The following TIMP3 variants were observed in gnomAD, a reference collection of about 807,000 sequenced individuals.
TIMP3 encodes the protein TIMP metallopeptidase inhibitor 3, also known as metalloproteinase inhibitor 3.
In TIMP3, 11 loss-of-function variants were observed where a neutral mutation model predicts 30.0. The observed-to-expected ratio is 0.37, with a 90% CI of 0.23 to 0.61. The LOEUF is 0.61. Ranked by LOEUF, TIMP3 falls within the 20% of genes least tolerant of loss-of-function variation. The probability of loss-of-function intolerance (pLI) is 0.70; values close to 1 mark genes in which losing one functional copy is unlikely to be tolerated. For missense variants in TIMP3, 181 were observed against 276.8 expected, an observed-to-expected ratio of 0.65 and a Z score of 2.45; for synonymous variants, 112 against 111.3, an observed-to-expected ratio of 1.01 and a Z score of -0.04.
intron 1 of TIMP3, among the ~76,000 whole-genome samples, chr22:32,808,101 T>G (rs542214252): frequency 6.6e-6 from 1 of 152,338 alleles, no homozygotes; most frequent in East Asian, 1.9e-4. Flanking sequence ...CTTGACTTGT[T>G]GCATGCTGGA....
At chr22:32,818,584 G>A (rs955776357) in intron 1 of TIMP3, among the ~76,000 whole-genome samples, 30 of 152,172 alleles carry the variant, frequency 2.0e-4, no homozygotes, top group African/African-American at 7.0e-4. Context: ...GAAGGATAGG[G>A]CTGGTGGACT....
chr22:32,857,177 G>A, intron 2 of TIMP3, 72 bp from the exon 3 acceptor site: 1 of 1,133,424 alleles, frequency 8.8e-7, no homozygotes, highest in Non-Finnish European at 1.3e-6. Flanking sequence ...TACATACCCA[G>A]CAGTGGGATT....
At chr22:32,848,095 G>GA (rs1849341435) in intron 1 of TIMP3, among the ~76,000 whole-genome samples, 1 of 152,196 alleles carries the variant, frequency 6.6e-6, no homozygotes, top group Admixed American at 6.5e-5. Context: ...ACAAATACCT[G>GA]AAGACAGCTC....
chr22:32,802,137 T>C lies in TIMP3; in HGVS notation c.121+15T>C. 1.3e-6 allele frequency: 2 copies of C among 1,575,200 alleles called. No individual in the cohort carries two copies. The highest frequency in any genetic ancestry group is 1.7e-6 in the Non-Finnish European group (2 of 1,167,000). On this transcript the variant is annotated intron_variant, in intron 1 of 4. Coordinates refer to ENST00000266085, the MANE Select transcript of TIMP3 (RefSeq NM_000362.5). Reference sequence around the variant, plus strand: ...CTCCGACATCGGTAAGCGCTCCTGGTGCCCCGCCCGAGCCCCACGCTGCAG... The same window carrying C: ...CTCCGACATCGGTAAGCGCTCCTGGCGCCCCGCCCGAGCCCCACGCTGCAG...
rs1052975174 is a variant in TIMP3 at position 32,801,900 on chromosome 22, C to T, written c.-102C>T. ...GGAGGCCAAGGTTGCCCCGCACGGC[C>T]CGGCGGGCGAGCGAGCTCGGGCTGC... On this transcript the variant is annotated 5_prime_UTR_variant, in exon 1 of 5. Transcript: ENST00000266085. The surrounding 1 kb of genome is among the most constrained non-coding windows in gnomAD (Gnocchi z 4.7). The T allele has an allele frequency of 7.2e-7, 1 of 1,386,352 alleles. No individual in the cohort carries two copies. Among genetic ancestry groups the T allele is most frequent in the Admixed American group, 3.3e-5 (1 of 30,548 alleles). The allele number at this position is 1,386,352 out of a possible 1,614,324, so 85.9% of individuals were successfully genotyped here. A position where few individuals can be genotyped will look rare whatever the true frequency, so the allele number is the denominator to read the frequency against.
chr22:32,841,736 G>A (rs891393505), intron 1 of TIMP3, among the ~76,000 whole-genome samples: 1 of 152,000 alleles, frequency 6.6e-6, no homozygotes, highest in Non-Finnish European at 1.5e-5. Context: ...ATGCACACTC[G>A]GCTTAATACC....
chr22:32,843,950 C>T (rs909036354), intron 1 of TIMP3, among the ~76,000 whole-genome samples: 1 of 151,910 alleles, frequency 6.6e-6, no homozygotes. Context: ...TGTGGGGTGG[C>T]GGTGGTATCT....
Position 32,801,907 on chromosome 22 carries a change from G to T in TIMP3, c.-95G>T. 6 of 1,406,150 alleles carry T rather than the reference G, an allele frequency of 4.3e-6. No homozygotes were observed. Among genetic ancestry groups the T allele is most frequent in the Non-Finnish European group, 5.5e-6 (6 of 1,087,396 alleles). The allele number at this position is 1,406,150 out of a possible 1,614,324, so 87.1% of individuals were successfully genotyped here. Reference sequence around the variant, plus strand: ...AAGGTTGCCCCGCACGGCCCGGCGGGCGAGCGAGCTCGGGCTGCAGCAGCC... The same window carrying T: ...AAGGTTGCCCCGCACGGCCCGGCGGTCGAGCGAGCTCGGGCTGCAGCAGCC... On this transcript the variant is annotated 5_prime_UTR_variant, in exon 1 of 5. Coordinates refer to ENST00000266085, the MANE Select transcript of TIMP3 (RefSeq NM_000362.5). This position sits in a 1 kb window ranked among gnomAD's most constrained non-coding sequence, Gnocchi z 4.7.
At chr22:32,816,384 T>C (rs537049518) in intron 1 of TIMP3, among the ~76,000 whole-genome samples, 2 of 152,242 alleles carry the variant, frequency 1.3e-5, no homozygotes, top group East Asian at 1.9e-4. Context: ...AAATGGGTCA[T>C]TGGGTGAGCA....
At chr22:32,836,357 C>G (rs1211706711) in intron 1 of TIMP3, among the ~76,000 whole-genome samples, 1 of 152,202 alleles carries the variant, frequency 6.6e-6, no homozygotes, top group African/African-American at 2.4e-5. Context: ...TCTTCTCCTT[C>G]TTTATCAATG....
At chr22:32,808,259 A>T (rs1452543437) in intron 1 of TIMP3, among the ~76,000 whole-genome samples, 2 of 152,214 alleles carry the variant, frequency 1.3e-5, no homozygotes, top group Non-Finnish European at 2.9e-5. Context: ...ACACATACAC[A>T]GGGTTTTGCT....
At chr22:32,824,471 C>T (rs1419104546) in intron 1 of TIMP3, among the ~76,000 whole-genome samples, 2 of 151,864 alleles carry the variant, frequency 1.3e-5, no homozygotes, top group South Asian at 4.2e-4. Flanking sequence ...ACTGGCACCA[C>T]CAGAGACAAC....
chr22:32,847,498 T>C (rs2048101215), intron 1 of TIMP3, among the ~76,000 whole-genome samples: 1 of 152,216 alleles, frequency 6.6e-6, no homozygotes, highest in African/African-American at 2.4e-5. Flanking sequence ...CATTGATTCA[T>C]CTGAACCCTG....
rs1008550035 is a variant in TIMP3 at position 32,837,139 on chromosome 22, G to C, written c.122-12313G>C. Among the ~76,000 whole-genome samples the C allele has an allele frequency of 7.2e-5, 11 of 152,162 alleles. No homozygotes were observed. Among genetic ancestry groups the C allele is most frequent in the Non-Finnish European group, 1.6e-4 (11 of 68,032 alleles). The stretch of plus-strand genomic sequence containing the variant: ...TCCTGAGATGTTGCCAGCTGTTTGG[G>C]CTTCAAAAATGCCCCGACCTGAAAG... On this transcript the variant is annotated intron_variant, in intron 1 of 4. Transcript: ENST00000266085. This position sits in a 1 kb window ranked among gnomAD's most constrained non-coding sequence, Gnocchi z 4.1.
chr22:32,858,873 G>A (rs920041549), intron 4 of TIMP3, among the ~76,000 whole-genome samples: 2 of 152,078 alleles, frequency 1.3e-5, no homozygotes, highest in South Asian at 2.1e-4. Context: ...CACCTGAGAC[G>A]AAAAAGTCCT....
At position 32,813,369 on chromosome 22, in the gene TIMP3, G is replaced by A. The variant is rs185663090; in HGVS notation, c.121+11247G>A. On this transcript the variant is annotated intron_variant, in intron 1 of 4. Coordinates refer to ENST00000266085, the MANE Select transcript of TIMP3 (RefSeq NM_000362.5). Reference sequence around the variant, plus strand: ...CCGTACAGTCCAGGTCCCTTCTGGAGGGGACAGCTGCTGTCCAGCTCCAGC... The same window carrying A: ...CCGTACAGTCCAGGTCCCTTCTGGAAGGGACAGCTGCTGTCCAGCTCCAGC... 1.0e-3 allele frequency among the ~76,000 whole-genome samples: 158 copies of A among 152,206 alleles called. 1 individual carries two copies. Among genetic ancestry groups the A allele is most frequent in the Non-Finnish European group, 7.4e-4 (50 of 68,014 alleles).
rs533126037 is a variant in TIMP3 at position 32,836,627 on chromosome 22, G to A, written c.122-12825G>A. 6.6e-4 allele frequency among the ~76,000 whole-genome samples: 101 copies of A among 152,114 alleles called. 1 individual carries two copies. Among genetic ancestry groups the A allele is most frequent in the Non-Finnish European group, 6.9e-4 (47 of 68,000 alleles). On this transcript the variant is annotated intron_variant, in intron 1 of 4. Coordinates refer to ENST00000266085, the MANE Select transcript of TIMP3 (RefSeq NM_000362.5). ...ACCTATGTATGGGCTCGTTTTTCTC[G>A]TACCTGTTCCTACCTGAGTGCCCAC...
rs1349910575 is a variant in TIMP3 at position 32,860,955 on chromosome 22, T to C, written c.*1578T>C. ...TGAAATAAAACTATAATATAAATTC[T>C]CCTATTAAATAAAATTATTTTAAGT... On this transcript the variant is annotated 3_prime_UTR_variant, in exon 5 of 5. Coordinates refer to ENST00000266085, the MANE Select transcript of TIMP3 (RefSeq NM_000362.5). The C allele has an allele frequency of 6.6e-6, 1 of 150,782 alleles. No individual in the cohort carries two copies. The highest frequency in any genetic ancestry group is 1.5e-5 in the Non-Finnish European group (1 of 67,804). The allele number at this position is 150,782 out of a possible 1,614,324, so 9.3% of individuals were successfully genotyped here. A position where few individuals can be genotyped will look rare whatever the true frequency, so the allele number is the denominator to read the frequency against.
At chr22:32,834,013 T>A (rs1160404723) in intron 1 of TIMP3, among the ~76,000 whole-genome samples, 1 of 152,192 alleles carries the variant, frequency 6.6e-6, no homozygotes, top group Non-Finnish European at 1.5e-5. Context: ...TGACCAAATG[T>A]GTTCATCCCT....
Sources: gnomAD v4.1 joint callset for allele counts (sites outside exome capture counted in the v4.1 genomes callset) on GRCh38, gnomAD v4.1.1 for gene constraint, Gnocchi (gnomAD v3.1) non-coding constraint, MANE v1.5 for transcripts, NCBI Gene and HGNC (gene_info 2026-07-23, HGNC 2026-07-21) for gene names.